HMGB1: variants seen among roughly 807,000 people sequenced by gnomAD.
HMGB1 encodes high mobility group protein B1.
For missense variants in HMGB1, 79 were observed against 253.5 expected, an observed-to-expected ratio of 0.31 and a Z score of 4.67; for synonymous variants, 81 against 84.0, an observed-to-expected ratio of 0.96 and a Z score of 0.19.
chr13:30,561,595 A>G lies in HMGB1; in HGVS notation c.-15+55076T>C, dbSNP rs1016462388. On this transcript the variant is annotated intron_variant, in intron 1 of 4. Transcript: ENST00000405805. Reference sequence around the variant, plus strand: ...AGTGAAGTAGTAGGAACGATGACAGATGACACTGGGTTGAAGACTGAGGAG... The same window carrying G: ...AGTGAAGTAGTAGGAACGATGACAGGTGACACTGGGTTGAAGACTGAGGAG... Among the ~76,000 whole-genome samples, 10 of 152,320 alleles carry G rather than the reference A, an allele frequency of 6.6e-5. No homozygotes were observed. The East Asian group carries it at 1.9e-3, about 29-fold the overall frequency.
Position 30,473,462 on chromosome 13 carries a change from G to A in HMGB1, c.-14-9768C>T, listed in dbSNP as rs1886996056. ...AGAAAGGTGATCTAAGTTCAGAAAA[G>A]ATCCCTATATTAGGTCTTGATCTCA... On this transcript the variant is annotated intron_variant, in intron 1 of 4. Coordinates refer to the HMGB1 transcript ENST00000405805. Among the ~76,000 whole-genome samples the A allele has an allele frequency of 2.0e-5, 3 of 152,172 alleles. No individual in the cohort carries two copies. The South Asian group carries it at 6.2e-4, about 32-fold the overall frequency.
rs1212471213 is a variant in HMGB1 at position 30,478,866 on chromosome 13, CTTTTCT to C, written c.-14-15178_-14-15173del. On this transcript the variant is annotated intron_variant, in intron 1 of 4. Coordinates refer to the HMGB1 transcript ENST00000405805. ...CCCAATTTCTTTTTTCTTTTCTTTTCTTTTCTTTTTTTTTTTTTTTGAGACAGAGTC... is the reference window on the plus strand; with the variant it reads ...CCCAATTTCTTTTTTCTTTTCTTTTCTTTTTTTTTTTTTTGAGACAGAGTC... Among the ~76,000 whole-genome samples the C allele has an allele frequency of 7.0e-4, 94 of 133,926 alleles. 1 individual carries two copies. The South Asian group carries it at 0.018, about 26-fold the overall frequency. The allele number at this position is 133,926 out of a possible 152,430, so 87.9% of individuals were successfully genotyped here.
intron 1 of HMGB1, among the ~76,000 whole-genome samples, chr13:30,611,727 A>G (rs1052655621): frequency 3.9e-5 from 6 of 152,054 alleles, no homozygotes; most frequent in African/African-American, 1.4e-4. Context: ...TCACTGTTGT[A>G]TTCTCCCTGC....
intron 1 of HMGB1, chr13:30,539,499 G>A (rs77032546): frequency 5.4e-4 from 127 of 236,076 alleles, no homozygotes; most frequent in Non-Finnish European, 8.9e-4. Flanking sequence ...TGGAAACTAC[G>A]AAGGAAGGAA....
intron 1 of HMGB1, among the ~76,000 whole-genome samples, chr13:30,607,318 C>T (rs978601718): frequency 3.3e-5 from 5 of 152,210 alleles, no homozygotes; most frequent in East Asian, 1.9e-4. Context: ...GTAATCCCCA[C>T]GTGTCAAAGG....
chr13:30,552,371 G>T (rs1869466951), intron 1 of HMGB1, among the ~76,000 whole-genome samples: 1 of 152,018 alleles, frequency 6.6e-6, no homozygotes, highest in African/African-American at 2.4e-5. Flanking sequence ...ATCATACTTA[G>T]GAAATTTAAT....
chr13:30,609,941 A>G (rs1017571850), intron 1 of HMGB1, among the ~76,000 whole-genome samples: 2 of 152,192 alleles, frequency 1.3e-5, no homozygotes, highest in African/African-American at 4.8e-5. Context: ...GTATGGATGA[A>G]TAGTATTCCA....
At chr13:30,554,091 T>A (rs1176161436) in intron 1 of HMGB1, 2 of 1,298,606 alleles carry the variant, frequency 1.5e-6, no homozygotes, top group Non-Finnish European at 2.2e-6. Context: ...AGAAACGGGA[T>A]TCAATGTGAA....
At chr13:30,504,774 A>G (rs1421091520) in intron 1 of HMGB1, among the ~76,000 whole-genome samples, 1 of 150,736 alleles carries the variant, frequency 6.6e-6, no homozygotes, top group Non-Finnish European at 1.5e-5. Flanking sequence ...GAGGGGTAAT[A>G]CCAGATAATA....
intron 1 of HMGB1, among the ~76,000 whole-genome samples, chr13:30,610,215 T>TA (rs60406882): frequency 0.03 from 4,514 of 152,286 alleles, 244 homozygotes; most frequent in African/African-American, 0.1. Flanking sequence ...AGTGGGCTAT[T>TA]AGCAGCTACG....
At chr13:30,566,044 G>A (rs776027092) in intron 1 of HMGB1, among the ~76,000 whole-genome samples, 1 of 152,190 alleles carries the variant, frequency 6.6e-6, no homozygotes, top group African/African-American at 2.4e-5. Flanking sequence ...TGCCTGGCCC[G>A]TTTGGTTATG....
rs1870042253 is a variant in HMGB1 at position 30,563,308 on chromosome 13, A to G, written c.-15+53363T>C. On this transcript the variant is annotated intron_variant, in intron 1 of 4. Coordinates refer to the HMGB1 transcript ENST00000405805. The stretch of plus-strand genomic sequence containing the variant: ...GGAGTGATAACATTGCTTGGCTATT[A>G]TTAATAAAACATTGCTGTGGCTGGG... Among the ~76,000 whole-genome samples, 3 of 152,276 alleles carry G rather than the reference A, an allele frequency of 2.0e-5. No homozygotes were observed. In the South Asian group the frequency reaches 6.2e-4, roughly 32 times the overall value.
chr13:30,462,833 T>C (rs1184781264), intron 3 of HMGB1, 121 bp from the exon 4 acceptor site: 3 of 748,558 alleles, frequency 4.0e-6, no homozygotes, highest in Non-Finnish European at 6.6e-6. Flanking sequence ...TTGGACAGGG[T>C]GCAAATACTA....
At chr13:30,611,960 TA>T (rs1416534074) in intron 1 of HMGB1, among the ~76,000 whole-genome samples, 1 of 152,186 alleles carries the variant, frequency 6.6e-6, no homozygotes, top group African/African-American at 2.4e-5. Context: ...ATAGGCTATT[TA>T]ATACATTCTG....
At chr13:30,466,300 C>CA (rs894530533), upstream of HMGB1, among the ~76,000 whole-genome samples, 1 of 151,624 alleles carries the variant, frequency 6.6e-6, no homozygotes, top group Non-Finnish European at 1.5e-5. Context: ...CAGGTCTCCC[C>CA]CCCCCTTCTT....
rs1233742489 is a variant in HMGB1, at chr13:30,524,349, AAAAAAAAAG to A, written c.-14-60664_-14-60656del. On this transcript the variant is annotated intron_variant, in intron 1 of 4. Coordinates refer to the HMGB1 transcript ENST00000405805. The stretch of plus-strand genomic sequence containing the variant: ...GCTTAAAGTATATTAAAAAAAAAAA[AAAAAAAAAG>A]AAAAAAAAGAAGAACTGCCTGAGAC... Among the ~76,000 whole-genome samples, 3 of 48,798 alleles carry A rather than the reference AAAAAAAAAG, an allele frequency of 6.1e-5. No homozygotes were observed. In the East Asian group the frequency reaches 2.6e-3, roughly 43 times the overall value. The allele number at this position is 48,798 out of a possible 152,430, so 32.0% of individuals were successfully genotyped here. A position where few individuals can be genotyped will look rare whatever the true frequency, so the allele number is the denominator to read the frequency against.
chr13:30,594,079 C>T (rs1019863943), intron 1 of HMGB1, among the ~76,000 whole-genome samples: 1 of 152,148 alleles, frequency 6.6e-6, no homozygotes, highest in African/African-American at 2.4e-5. Context: ...CCTTAAATGG[C>T]TTAGAAAAAA....
intron 1 of HMGB1, among the ~76,000 whole-genome samples, chr13:30,533,909 G>A (rs1431078488): frequency 6.7e-6 from 1 of 150,096 alleles, no homozygotes; most frequent in African/African-American, 2.5e-5. Flanking sequence ...TTGTTGCCCG[G>A]GCTGGAGTGC....
intron 1 of HMGB1, among the ~76,000 whole-genome samples, chr13:30,515,223 G>T (rs554609516): frequency 6.6e-6 from 1 of 152,308 alleles, no homozygotes; most frequent in South Asian, 2.1e-4. Flanking sequence ...AAGAAAGTGG[G>T]ACCTCAGTTA....
Sources: allele counts gnomAD v4.1 joint callset (sites outside exome capture counted in the v4.1 genomes callset), GRCh38; gene constraint gnomAD v4.1.1; transcripts MANE v1.5; gene names NCBI Gene and HGNC (gene_info 2026-07-23, HGNC 2026-07-21).